The following AFG1L variants were observed in gnomAD, a reference collection of about 807,000 sequenced individuals.
The protein encoded by AFG1L is AFG1-like ATPase.
In AFG1L, 53 loss-of-function variants were observed where a neutral mutation model predicts 62.2. That is an observed-to-expected ratio of 0.85 (90% CI 0.68 to 1.07). AFG1L has a LOEUF of 1.07. Ranked by LOEUF, AFG1L falls within the 50% of genes least tolerant of loss-of-function variation. The pLI, the probability that AFG1L is intolerant of heterozygous loss-of-function variation, is 0.00. For missense variants in AFG1L, 555 were observed against 590.5 expected (o/e 0.94, Z 0.62); for synonymous variants, 228 against 210.3 (o/e 1.08, Z -0.73).
At chr6:108,519,835 T>G (rs1205546185) in intron 12 of AFG1L, 25 bp downstream of exon 12, 1 of 1,441,910 alleles carries the variant, frequency 6.9e-7, no homozygotes, top group African/African-American at 1.4e-5. Context: ...CATAATCTCT[T>G]TTTATTATAA....
chr6:108,490,959 T>G (rs1189134442), intron 10 of AFG1L, among the ~76,000 whole-genome samples: 1 of 152,228 alleles, frequency 6.6e-6, no homozygotes, highest in Non-Finnish European at 1.5e-5. Flanking sequence ...TGACATTTTA[T>G]TTCCCTGATT....
chr6:108,327,504 T>C (rs976990702), intron 2 of AFG1L, among the ~76,000 whole-genome samples: 1 of 152,204 alleles, frequency 6.6e-6, no homozygotes, highest in African/African-American at 2.4e-5. Context: ...TAACTATTCT[T>C]GGACAGCTGT....
At chr6:108,444,994 A>G (rs942246078) in intron 7 of AFG1L, among the ~76,000 whole-genome samples, 5 of 152,266 alleles carry the variant, frequency 3.3e-5, no homozygotes, top group Non-Finnish European at 5.9e-5. Flanking sequence ...TTCTTCCAGC[A>G]GAAGGCTGTT....
chr6:108,347,081 G>A, intron 3 of AFG1L, 42 bp downstream of exon 3: 1 of 1,490,112 alleles, frequency 6.7e-7, no homozygotes, highest in South Asian at 1.1e-5. Context: ...AAAACAGAAA[G>A]TTTCTCAGCT....
At chr6:108,520,619 T>G (rs968822669) in intron 12 of AFG1L, 3 of 152,256 alleles carry the variant, frequency 2.0e-5, no homozygotes, top group Non-Finnish European at 4.4e-5. Flanking sequence ...AACAATTCCT[T>G]ATCAACCTGA....
chr6:108,440,763 G>T (rs972398521), intron 7 of AFG1L, among the ~76,000 whole-genome samples: 1 of 150,350 alleles, frequency 6.7e-6, no homozygotes, highest in Admixed American at 6.7e-5. Flanking sequence ...AGAGGTTGCA[G>T]TGAGCTGAGA....
chr6:108,347,034 A>T lies in AFG1L; in HGVS notation c.410A>T (p.Asp137Val). 1.2e-6 allele frequency: 2 copies of T among 1,613,202 alleles called. No individual in the cohort carries two copies. The highest frequency in any genetic ancestry group is 2.2e-5 in the East Asian group (1 of 44,800). Residue 137 changes from aspartate to valine, a missense_variant, in exon 3 of 13, where the codon GAT becomes GTT. Asp to Val is a radical substitution (Grantham distance 152, BLOSUM62 -3). Transcript: ENST00000368977. ...CCAAGGGGCCTGTATGTTTATGGAG[A>T]TGTTGGTAAGTGTGTTAAAATAAGT... ...KPPRGLYVYG[D>V]VGTGKTMVMD...
chr6:108,384,317 G>A lies in AFG1L; in HGVS notation c.749-17679G>A, dbSNP rs180735188. Reference sequence around the variant, plus strand: ...AGAGAGAACTAGATTGGTATAGCCTGAGGTTCTGTGTGTAACCCCTGCCCA... The same window carrying A: ...AGAGAGAACTAGATTGGTATAGCCTAAGGTTCTGTGTGTAACCCCTGCCCA... On this transcript the variant is annotated intron_variant, in intron 6 of 12. Transcript: ENST00000368977. Among the ~76,000 whole-genome samples the A allele has an allele frequency of 3.1e-3, 469 of 152,276 alleles. 7 individuals are homozygous for A. The highest frequency in any genetic ancestry group is 3.5e-4 in the Non-Finnish European group (24 of 68,024).
At chr6:108,307,514 A>G (rs1777249193) in intron 1 of AFG1L, among the ~76,000 whole-genome samples, 1 of 150,424 alleles carries the variant, frequency 6.6e-6, no homozygotes, top group Non-Finnish European at 1.5e-5. Flanking sequence ...AGGTCCAAGT[A>G]ATCCTCCCAG....
chr6:108,438,674 C>A (rs1383201715), intron 7 of AFG1L, among the ~76,000 whole-genome samples: 2 of 152,074 alleles, frequency 1.3e-5, no homozygotes, highest in East Asian at 3.8e-4. Context: ...AAGTCAGTTG[C>A]CTAGCCCATC....
chr6:108,349,395 G>T lies in AFG1L; in HGVS notation c.415+2356G>T, dbSNP rs1387019883. Among the ~76,000 whole-genome samples, 5 of 152,144 alleles carry T rather than the reference G, an allele frequency of 3.3e-5. No homozygotes were observed. In the Middle Eastern group the frequency reaches 0.01, roughly 310 times the overall value. ...ATTACTCGAGAGGCTAAGGTGGGAG[G>T]ATCACTTGAGCCTAGGAGGTCAAGG... is the stretch of plus-strand genomic sequence containing the variant. On this transcript the variant is annotated intron_variant, in intron 3 of 12. Transcript: ENST00000368977.
At chr6:108,314,953 T>G (rs1777536303) in intron 1 of AFG1L, among the ~76,000 whole-genome samples, 1 of 152,098 alleles carries the variant, frequency 6.6e-6, no homozygotes, top group East Asian at 1.9e-4. Context: ...ATTCTTGTGC[T>G]GCAGCCACAT....
chr6:108,441,701 TAA>T (rs33913085), intron 7 of AFG1L, among the ~76,000 whole-genome samples: 14 of 141,780 alleles, frequency 9.9e-5, no homozygotes, highest in African/African-American at 2.1e-4. Flanking sequence ...GAGGTTTATT[TAA>T]AAAAAAAAAA....
chr6:108,409,498 C>G (rs188246222), intron 7 of AFG1L, among the ~76,000 whole-genome samples: 4 of 151,820 alleles, frequency 2.6e-5, no homozygotes, highest in Non-Finnish European at 5.9e-5. Context: ...AGTAAAAGCA[C>G]GTGATAGATA....
At chr6:108,329,099 C>G (rs975317924) in intron 2 of AFG1L, among the ~76,000 whole-genome samples, 1 of 141,304 alleles carries the variant, frequency 7.1e-6, no homozygotes, top group African/African-American at 2.5e-5. Flanking sequence ...TTCCTTCCTT[C>G]CTTCCTATCT....
At chr6:108,331,449 T>A (rs976339503) in intron 2 of AFG1L, among the ~76,000 whole-genome samples, 10 of 152,148 alleles carry the variant, frequency 6.6e-5, no homozygotes, top group Non-Finnish European at 5.9e-5. Context: ...TTAACCAAGG[T>A]GATAAAATTG....
At chr6:108,343,670 C>G (rs1470612561) in intron 2 of AFG1L, among the ~76,000 whole-genome samples, 8 of 151,994 alleles carry the variant, frequency 5.3e-5, no homozygotes, top group Non-Finnish European at 1.0e-4. Flanking sequence ...CTTTTTCTGG[C>G]AAGTTGAAAA....
chr6:108,346,250 A>G (rs1436202834), intron 2 of AFG1L, among the ~76,000 whole-genome samples: 1 of 152,208 alleles, frequency 6.6e-6, no homozygotes, highest in Non-Finnish European at 1.5e-5. Flanking sequence ...TCATGCAGCC[A>G]TCACTACCAT....
At position 108,420,508 on chromosome 6, in the gene AFG1L, G is replaced by A. The variant is rs924825291; in HGVS notation, c.807+18454G>A. Among the ~76,000 whole-genome samples the A allele has an allele frequency of 2.7e-5, 4 of 150,324 alleles. 1 individual carries two copies. Among genetic ancestry groups the A allele is most frequent in the East Asian group, 1.9e-4 (1 of 5,162 alleles). ...TTAAGAAAATTGGCTGTAGTAACAG[G>A]CACTAAAGTTTTATTTGTAATGGTG... On this transcript the variant is annotated intron_variant, in intron 7 of 12. Coordinates refer to ENST00000368977, the MANE Select transcript of AFG1L (RefSeq NM_145315.5).
Sources: gnomAD v4.1 joint callset for allele counts (sites outside exome capture counted in the v4.1 genomes callset) on GRCh38, gnomAD v4.1.1 for gene constraint, MANE v1.5 for transcripts, NCBI Gene and HGNC (gene_info 2026-07-23, HGNC 2026-07-21) for gene names.